The following CNGA3 variants were observed in gnomAD, a reference collection of about 807,000 sequenced individuals.
The protein encoded by CNGA3 is cyclic nucleotide gated channel subunit alpha 3, also known as cyclic nucleotide-gated channel alpha-3.
In CNGA3, 42 loss-of-function variants were observed where a neutral mutation model predicts 46.6. That is an observed-to-expected ratio of 0.90 (90% confidence interval 0.70 to 1.17). The LOEUF (loss-of-function observed/expected upper bound fraction) is 1.17. Among genes scored for constraint, CNGA3 ranks in the 50% most tolerant of loss-of-function variants. The pLI is 0.00. For synonymous variants in CNGA3, 394 were observed against 369.4 expected, an observed-to-expected ratio of 1.07 and a Z score of -0.76; for missense variants, 893 against 890.7, an observed-to-expected ratio of 1.00 and a Z score of -0.03.
chr2:98,364,196 G>T (rs992552807), intron 1 of CNGA3, among the ~76,000 whole-genome samples: 7 of 152,074 alleles, frequency 4.6e-5, no homozygotes, highest in African/African-American at 1.4e-4. Context: ...TGGCCAACAT[G>T]GTGAAACCTC....
Position 98,380,188 on chromosome 2 carries a change from ATCT to A in CNGA3, c.234_236del (p.Phe78del), listed in dbSNP as rs775964405. 5 of 1,614,162 alleles carry A rather than the reference ATCT, an allele frequency of 3.1e-6. No homozygotes were observed. The highest frequency in any genetic ancestry group is 2.2e-5 in the East Asian group (1 of 44,872). ...GTCACCTTCCAGGCTGTCGCGCCTC[ATCT>A]TCTTGCTGCGCAGGTGGGCTGCCAG... On this transcript the variant is annotated inframe_deletion, in exon 4 of 8. Transcript: ENST00000272602.
At position 98,397,421 on chromosome 2, in the gene CNGA3, G is replaced by A. The variant is rs746901363; in HGVS notation, c.*166G>A. The A allele has an allele frequency of 9.5e-5, 70 of 734,644 alleles. 2 individuals carry two copies. The highest frequency in any genetic ancestry group is 3.8e-4 in the Middle Eastern group (1 of 2,646). The allele number at this position is 734,644 out of a possible 1,614,324, so 45.5% of individuals were successfully genotyped here. A position where few individuals can be genotyped will look rare whatever the true frequency, so the allele number is the denominator to read the frequency against. On this transcript the variant is annotated 3_prime_UTR_variant, in exon 8 of 8. Transcript: ENST00000272602. ...ACCTGTTTCTTCACCTAAAAAATGG[G>A]ACTTTTTGTCTCAGTCCCAGTGAAG...
intron 1 of CNGA3, among the ~76,000 whole-genome samples, chr2:98,356,329 A>G (rs552534473): frequency 2.0e-5 from 3 of 152,200 alleles, no homozygotes; most frequent in African/African-American, 7.2e-5. Context: ...AATGAATCAG[A>G]CTCAGACAGA....
At chr2:98,387,128 C>A (rs992255287) in intron 5 of CNGA3, among the ~76,000 whole-genome samples, 1 of 152,166 alleles carries the variant, frequency 6.6e-6, no homozygotes, top group Non-Finnish European at 1.5e-5. Flanking sequence ...TATTAGGAAC[C>A]GTTTTCCCAC....
intron 7 of CNGA3, among the ~76,000 whole-genome samples, chr2:98,394,020 G>A (rs1419956643): frequency 6.6e-6 from 1 of 150,792 alleles, no homozygotes; most frequent in East Asian, 1.9e-4. Flanking sequence ...TAGCCTCGGT[G>A]GCCTGGACCC....
At chr2:98,367,176 CTTTT>C (rs1182363811) in intron 1 of CNGA3, among the ~76,000 whole-genome samples, 1 of 115,528 alleles carries the variant, frequency 8.7e-6, no homozygotes, top group African/African-American at 3.2e-5. Context: ...TGTTTTTTTT[CTTTT>C]TTTTCTTTTT....
At chr2:98,377,385 C>A (rs917127343) in intron 2 of CNGA3, 2 of 347,632 alleles carry the variant, frequency 5.8e-6, no homozygotes, top group South Asian at 3.4e-5. Flanking sequence ...TGGCAAGCCC[C>A]GGGACCTCTC....
Position 98,396,569 on chromosome 2 carries a change from G to C in CNGA3, c.1399G>C (p.Glu467Gln). 1 of 1,614,018 alleles carries C rather than the reference G, an allele frequency of 6.2e-7. No homozygotes were observed. Among genetic ancestry groups the C allele is most frequent in the Non-Finnish European group, 8.5e-7 (1 of 1,179,974 alleles). Reference sequence around the variant, plus strand: ...GAGCCTCCCAGACAAGCTGAAGGCTGAGATCGCCATCAACGTGCACCTGGA... The same window carrying C: ...GAGCCTCCCAGACAAGCTGAAGGCTCAGATCGCCATCAACGTGCACCTGGA... ...LKSLPDKLKA[E>Q]IAINVHLDTL... The change falls in exon 8 of 8, where the codon GAG (glutamate) becomes CAG (glutamine). Residue 467 changes from glutamate to glutamine, a missense_variant. By Grantham distance (29) the Glu-to-Gln change is conservative. Coordinates refer to ENST00000272602, the MANE Select transcript of CNGA3 (RefSeq NM_001298.3).
At chr2:98,392,738 C>T (rs1280647438) in intron 7 of CNGA3, among the ~76,000 whole-genome samples, 1 of 152,120 alleles carries the variant, frequency 6.6e-6, no homozygotes, top group Non-Finnish European at 1.5e-5. Flanking sequence ...AGATACAGGA[C>T]ATGTTACTCC....
chr2:98,370,392 C>T (rs1047307940), intron 2 of CNGA3, among the ~76,000 whole-genome samples: 11 of 152,242 alleles, frequency 7.2e-5, no homozygotes, highest in African/African-American at 2.7e-4. Context: ...AACTGACACA[C>T]TCTCCCATGT....
intron 1 of CNGA3, among the ~76,000 whole-genome samples, chr2:98,352,654 G>T (rs750821194): frequency 6.6e-6 from 1 of 152,174 alleles, no homozygotes; most frequent in Non-Finnish European, 1.5e-5. Flanking sequence ...TTGAATCCAT[G>T]GACTGGGTAA....
intron 2 of CNGA3, among the ~76,000 whole-genome samples, chr2:98,371,995 T>A (rs181892010): frequency 6.6e-6 from 1 of 152,310 alleles, no homozygotes; most frequent in Non-Finnish European, 1.5e-5. Flanking sequence ...CCAACTTGCC[T>A]GGAGTGGGGC....
chr2:98,377,232 A>G (rs1692424963), intron 2 of CNGA3: 1 of 179,278 alleles, frequency 5.6e-6, no homozygotes, highest in Admixed American at 5.4e-5. Flanking sequence ...CAGCACACGC[A>G]GTGGGAAGGG....
intron 7 of CNGA3, among the ~76,000 whole-genome samples, chr2:98,395,194 G>A (rs1692881188): frequency 6.6e-6 from 1 of 151,528 alleles, no homozygotes; most frequent in African/African-American, 2.4e-5. Context: ...CAAAGACTCA[G>A]AGTCTCACTC....
Position 98,396,430 on chromosome 2 carries a change from C to A in CNGA3, c.1260C>A (p.Ile420=), listed in dbSNP as rs1692915428. The change falls in exon 8 of 8, where the codon ATC becomes ATA. Residue 420 remains isoleucine (I), a synonymous_variant. Coordinates refer to ENST00000272602, the MANE Select transcript of CNGA3 (RefSeq NM_001298.3). ...AGTTCCAGGCCAAGATTGATTCCAT[C>A]AAGCAGTACATGCAGTTCCGCAAGG... ...RAEFQAKIDS[I]KQYMQFRKVT... 6.2e-7 allele frequency: 1 copy of A among 1,613,956 alleles called. No individual in the cohort carries two copies. The highest frequency in any genetic ancestry group is 1.3e-5 in the African/African-American group (1 of 75,032).
At chr2:98,392,940 G>A (rs979664989) in intron 7 of CNGA3, among the ~76,000 whole-genome samples, 1 of 152,212 alleles carries the variant, frequency 6.6e-6, no homozygotes, top group East Asian at 1.9e-4. Context: ...TGCCTAAGCT[G>A]GTAGAGGCCC....
intron 6 of CNGA3, among the ~76,000 whole-genome samples, chr2:98,391,334 C>A (rs1274571618): frequency 1.3e-5 from 2 of 151,986 alleles, no homozygotes; most frequent in East Asian, 3.9e-4. Flanking sequence ...GGGCAGGAGG[C>A]TTTGGGGCGC....
At chr2:98,361,071 G>A (rs559597963) in intron 1 of CNGA3, among the ~76,000 whole-genome samples, 1 of 151,664 alleles carries the variant, frequency 6.6e-6, no homozygotes, top group Non-Finnish European at 1.5e-5. Context: ...GGACGTGCAG[G>A]TTTGTTACAT....
At chr2:98,381,128 G>A (rs1464854318) in intron 4 of CNGA3, among the ~76,000 whole-genome samples, 1 of 152,184 alleles carries the variant, frequency 6.6e-6, no homozygotes, top group African/African-American at 2.4e-5. Context: ...TCTGCAGAGA[G>A]ACCCCTGGGC....
Sources: allele counts gnomAD v4.1 joint callset (sites outside exome capture counted in the v4.1 genomes callset), GRCh38; gene constraint gnomAD v4.1.1; transcripts MANE v1.5; gene names NCBI Gene and HGNC (gene_info 2026-07-23, HGNC 2026-07-21).